PTPRG: variants seen among roughly 807,000 people sequenced by gnomAD.
The protein encoded by PTPRG is protein tyrosine phosphatase receptor type G.
In PTPRG, 102 loss-of-function variants were observed where a neutral mutation model predicts 165.3. The ratio of observed to expected loss-of-function variants is 0.62; its 90% confidence interval spans 0.53 to 0.73. The LOEUF (loss-of-function observed/expected upper bound fraction) is 0.73, where lower values mean the gene tolerates loss of function less well. PTPRG is among the 30% of genes least tolerant of loss of function. The pLI is 0.00. For missense variants in PTPRG, 1,866 were observed against 1,861.4 expected (o/e 1.00, Z -0.05); for synonymous variants, 675 against 669.5 (o/e 1.01, Z -0.13).
intron 29 of PTPRG, among the ~76,000 whole-genome samples, 186 bp from the exon 30 acceptor site, chr3:62,292,975 A>AAG (rs1172930110): frequency 9.2e-5 from 14 of 152,310 alleles, no homozygotes; most frequent in African/African-American, 3.4e-4. Context: ...AAAGGACATG[A>AAG]AGAAGGTATA....
At chr3:61,674,965 A>G (rs1009553807) in intron 1 of PTPRG, among the ~76,000 whole-genome samples, 2 of 152,230 alleles carry the variant, frequency 1.3e-5, no homozygotes, top group Non-Finnish European at 2.9e-5. Context: ...GCATTTAATT[A>G]AGCAGAAGTT....
intron 16 of PTPRG, among the ~76,000 whole-genome samples, chr3:62,257,511 T>C (rs947857700): frequency 2.6e-5 from 4 of 152,170 alleles, no homozygotes; most frequent in Non-Finnish European, 2.9e-5. Flanking sequence ...GTGTATCTTA[T>C]TGTCCCCATT....
At chr3:61,749,323 T>C (rs1559590326) in intron 2 of PTPRG, 1 of 384,310 alleles carries the variant, frequency 2.6e-6, no homozygotes, top group South Asian at 2.1e-5. Flanking sequence ...GCAGAAAATA[T>C]ATGGCTAGTC....
At chr3:61,780,489 G>A (rs1358136029) in intron 2 of PTPRG, among the ~76,000 whole-genome samples, 2 of 152,124 alleles carry the variant, frequency 1.3e-5, no homozygotes, top group East Asian at 1.9e-4. Flanking sequence ...TAACATCCTT[G>A]GATTCGTTCC....
chr3:62,278,845 G>C (rs891112400), intron 26 of PTPRG, among the ~76,000 whole-genome samples: 1 of 151,984 alleles, frequency 6.6e-6, no homozygotes, highest in Non-Finnish European at 1.5e-5. Context: ...GAGGCACTTA[G>C]GGTTGTTAAA....
chr3:61,583,801 C>G (rs11715963), intron 1 of PTPRG, among the ~76,000 whole-genome samples: 1 of 152,174 alleles, frequency 6.6e-6, no homozygotes, highest in Non-Finnish European at 1.5e-5. Context: ...GATCCTTGCC[C>G]TTTCAAAGCT....
intron 14 of PTPRG, 44 bp from the exon 15 acceptor site, chr3:62,243,763 A>G: frequency 8.2e-7 from 1 of 1,221,812 alleles, no homozygotes; most frequent in South Asian, 1.3e-5. Flanking sequence ...GAACTCAAAT[A>G]AAGTATATTC....
rs1212207236 is a variant in PTPRG at position 62,222,070 on chromosome 3, G to A, written c.2288+3087G>A. On this transcript the variant is annotated intron_variant, in intron 13 of 29. Coordinates refer to ENST00000474889, the MANE Select transcript of PTPRG (RefSeq NM_002841.4). The surrounding 1 kb of genome is among the most constrained non-coding windows in gnomAD (Gnocchi z 4.5). ...ACATTCTTTGACCAAGGAAGAGAAC[G>A]AGAACTCACATTTGTTGAAAGCCTG... Among the ~76,000 whole-genome samples the A allele has an allele frequency of 6.6e-6, 1 of 152,222 alleles. No homozygotes were observed. The highest frequency in any genetic ancestry group is 1.5e-5 in the Non-Finnish European group (1 of 68,044).
chr3:62,186,066 A>C (rs113740994), intron 8 of PTPRG, among the ~76,000 whole-genome samples: 3 of 152,220 alleles, frequency 2.0e-5, no homozygotes, highest in African/African-American at 7.2e-5. Flanking sequence ...AGCACAAGGC[A>C]CAGTGGTGTC....
chr3:62,068,288 G>T (rs970411449), intron 4 of PTPRG, among the ~76,000 whole-genome samples: 1 of 152,072 alleles, frequency 6.6e-6, no homozygotes, highest in Middle Eastern at 3.2e-3. Context: ...CAGGGGCAGT[G>T]CCTGGCTCTT....
chr3:62,034,527 G>T (rs375918358), intron 4 of PTPRG, among the ~76,000 whole-genome samples: 5 of 152,336 alleles, frequency 3.3e-5, no homozygotes, highest in South Asian at 4.1e-4. Context: ...GTGTGAGTCT[G>T]TTGGTAGAAT....
intron 2 of PTPRG, among the ~76,000 whole-genome samples, chr3:61,937,570 A>G (rs1339933002): frequency 2.0e-5 from 3 of 152,216 alleles, no homozygotes; most frequent in Non-Finnish European, 2.9e-5. Flanking sequence ...TGTAAAACCA[A>G]CTTTACTCTG....
chr3:61,671,764 G>T (rs1575578901), intron 1 of PTPRG, among the ~76,000 whole-genome samples: 2 of 132,278 alleles, frequency 1.5e-5, no homozygotes, highest in Non-Finnish European at 3.3e-5. Context: ...TGGCCGGGCG[G>T]GGGGCTGACC....
intron 2 of PTPRG, among the ~76,000 whole-genome samples, chr3:61,763,562 GGTTTCACCAT>G (rs1213025830): frequency 6.6e-6 from 1 of 150,714 alleles, no homozygotes; most frequent in African/African-American, 2.4e-5. Context: ...TTAGAGATGG[GGTTTCACCAT>G]GTTGGCCAGG....
In PTPRG at chr3:62,245,623, C is replaced by G. The variant is rs566635252; in HGVS notation, c.2467+1725C>G. ...CTCTCTGAACCTTAGTTTCCAGAAT[C>G]TGTAAATTAATTAGGATGCCTATTC... On this transcript the variant is annotated intron_variant, in intron 15 of 29. Coordinates refer to ENST00000474889, the MANE Select transcript of PTPRG (RefSeq NM_002841.4). The surrounding 1 kb of genome is among the most constrained non-coding windows in gnomAD (Gnocchi z 4.2). Among the ~76,000 whole-genome samples, 17 of 152,204 alleles carry G rather than the reference C, an allele frequency of 1.1e-4. 1 individual carries two copies. Among genetic ancestry groups the G allele is most frequent in the Middle Eastern group, 3.4e-3 (1 of 294 alleles).
chr3:61,752,388 G>C, intron 2 of PTPRG, among the ~76,000 whole-genome samples: 1 of 152,134 alleles, frequency 6.6e-6, no homozygotes, highest in African/African-American at 2.4e-5. Flanking sequence ...GGTTGTGACA[G>C]AGACCTAGAA....
At chr3:62,201,120 AT>A (rs1460471634) in intron 10 of PTPRG, among the ~76,000 whole-genome samples, 1 of 152,220 alleles carries the variant, frequency 6.6e-6, no homozygotes, top group Admixed American at 6.5e-5. Flanking sequence ...ATGTCTTTAT[AT>A]TACTGTGGGG....
chr3:61,777,827 A>G (rs1410455922), intron 2 of PTPRG, among the ~76,000 whole-genome samples: 2 of 152,202 alleles, frequency 1.3e-5, no homozygotes, highest in Non-Finnish European at 1.5e-5. Flanking sequence ...TCTGTTCACC[A>G]TATTTTTATT....
chr3:62,209,998 G>A (rs1327025243), intron 12 of PTPRG, among the ~76,000 whole-genome samples: 1 of 152,304 alleles, frequency 6.6e-6, no homozygotes, highest in African/African-American at 2.4e-5. Flanking sequence ...CCGTCTGATA[G>A]GTTAGGGCTT....
Sources: gnomAD v4.1 joint callset for allele counts (sites outside exome capture counted in the v4.1 genomes callset) on GRCh38, gnomAD v4.1.1 for gene constraint, Gnocchi (gnomAD v3.1) non-coding constraint, MANE v1.5 for transcripts, NCBI Gene and HGNC (gene_info 2026-07-23, HGNC 2026-07-21) for gene names.